Variants in STON1 observed in about 807,000 individuals in gnomAD.
STON1 encodes the protein stonin-1.
In STON1, 79 loss-of-function variants were observed where a neutral mutation model predicts 60.9. The observed-to-expected ratio is 1.30, with a 90% CI of 1.08 to 1.56. The LOEUF is 1.56. STON1 is among the 40% of genes most tolerant of loss of function. The probability of loss-of-function intolerance (pLI) is 0.00; values close to 1 mark genes in which losing one functional copy is unlikely to be tolerated. For missense variants in STON1, 1,166 were observed against 858.9 expected (o/e 1.36, Z -4.47); for synonymous variants, 363 against 306.9 (o/e 1.18, Z -1.91).
chr2:48,541,106 T>G (rs991050956), intron 1 of STON1, among the ~76,000 whole-genome samples: 3 of 151,598 alleles, frequency 2.0e-5, no homozygotes, highest in Admixed American at 1.3e-4. Context: ...TCCCAGAACT[T>G]TGGGAGGCTG....
intron 1 of STON1, among the ~76,000 whole-genome samples, chr2:48,576,472 G>C (rs1673506631): frequency 6.7e-6 from 1 of 149,416 alleles, no homozygotes; most frequent in Admixed American, 6.7e-5. Flanking sequence ...TTATAGGTGT[G>C]AGCCACTGTG....
intron 1 of STON1, among the ~76,000 whole-genome samples, chr2:48,548,247 C>T (rs1416523657): frequency 1.3e-5 from 2 of 152,204 alleles, no homozygotes; most frequent in East Asian, 1.9e-4. Flanking sequence ...GCTGTAAAAG[C>T]ACATAGCATT....
At position 48,564,641 on chromosome 2, in the gene STON1, TC is replaced by T. The variant is rs1558606307; in HGVS notation, c.-47-15945del. Among the ~76,000 whole-genome samples the T allele has an allele frequency of 1.1e-4, 14 of 121,982 alleles. 1 individual carries two copies. Among genetic ancestry groups the T allele is most frequent in the African/African-American group, 4.1e-4 (12 of 29,090 alleles). The allele number at this position is 121,982 out of a possible 152,430, so 80.0% of individuals were successfully genotyped here. A position where few individuals can be genotyped will look rare whatever the true frequency, so the allele number is the denominator to read the frequency against. ...TTCTCCTTCTCCTTCTCTTTCTCCT[TC>T]TCCTTCTTCTTCTTCTTTCTTATTT... On this transcript the variant is annotated intron_variant, in intron 1 of 3. Coordinates refer to ENST00000404752, the MANE Select transcript of STON1 (RefSeq NM_006873.4).
At chr2:48,569,936 A>G (rs1400496476) in intron 1 of STON1, among the ~76,000 whole-genome samples, 1 of 152,224 alleles carries the variant, frequency 6.6e-6, no homozygotes, top group African/African-American at 2.4e-5. Flanking sequence ...GTGTTTTTGA[A>G]TTAGAGATAA....
At chr2:48,577,433 T>C (rs1334815160) in intron 1 of STON1, among the ~76,000 whole-genome samples, 1 of 151,646 alleles carries the variant, frequency 6.6e-6, no homozygotes, top group Non-Finnish European at 1.5e-5. Flanking sequence ...ATACCAAAAT[T>C]AGCCTGGCGT....
intron 1 of STON1, among the ~76,000 whole-genome samples, chr2:48,563,004 C>T (rs1455187694): frequency 6.6e-6 from 1 of 152,230 alleles, no homozygotes; most frequent in Non-Finnish European, 1.5e-5. Context: ...ACTGACTGAC[C>T]TTGCCCTCTG....
chr2:48,595,141 G>A, intron 3 of STON1, 87 bp from the exon 4 acceptor site: 2 of 1,041,128 alleles, frequency 1.9e-6, no homozygotes, highest in Non-Finnish European at 1.5e-6. Flanking sequence ...TGTGCAGTCT[G>A]TGCCACATGT....
In STON1 at chr2:48,580,685, G is replaced by A. The variant is rs1286632039; in HGVS notation, c.52G>A (p.Val18Ile). ...KWVTFDDDPA[V>I]QSSQKSKNFP... ...GGTCACCTTTGATGATGATCCTGCT[G>A]TTCAATCTTCTCAAAAGTCAAAGAA... is the stretch of plus-strand genomic sequence containing the variant. Residue 18 changes from valine to isoleucine, a missense_variant, in exon 2 of 4, where the codon GTT becomes ATT. Transcript: ENST00000404752. 2 of 1,447,714 alleles carry A rather than the reference G, an allele frequency of 1.4e-6. No individual in the cohort carries two copies. Among genetic ancestry groups the A allele is most frequent in the Non-Finnish European group, 1.8e-6 (2 of 1,097,892 alleles). 89.7% of individuals were successfully genotyped at this position (1,447,714 alleles called of 1,614,324 possible).
chr2:48,537,741 T>G (rs1209287397), intron 1 of STON1, among the ~76,000 whole-genome samples: 1 of 151,058 alleles, frequency 6.6e-6, no homozygotes, highest in Non-Finnish European at 1.5e-5. Flanking sequence ...TCCCAGCTAC[T>G]CGGGAGGCTG....
intron 1 of STON1, among the ~76,000 whole-genome samples, chr2:48,567,948 T>A (rs1323461380): frequency 6.6e-6 from 1 of 152,196 alleles, no homozygotes; most frequent in Non-Finnish European, 1.5e-5. Context: ...AGTCTGAGAA[T>A]TCCTTATTTG....
chr2:48,532,737 C>T (rs1028824165), intron 1 of STON1, among the ~76,000 whole-genome samples: 1 of 152,082 alleles, frequency 6.6e-6, no homozygotes, highest in African/African-American at 2.4e-5. Context: ...TAATGAAGGC[C>T]ACGGGGGCCT....
intron 1 of STON1, among the ~76,000 whole-genome samples, chr2:48,548,795 C>T (rs548685913): frequency 4.6e-5 from 7 of 152,186 alleles, no homozygotes; most frequent in African/African-American, 1.7e-4. Flanking sequence ...CCACCATGCC[C>T]GGCCTCATTT....
chr2:48,544,177 C>G (rs1289128126), intron 1 of STON1, among the ~76,000 whole-genome samples: 1 of 147,812 alleles, frequency 6.8e-6, no homozygotes, highest in African/African-American at 2.4e-5. Context: ...TTTTTCTTCT[C>G]TGGATTTTGT....
At chr2:48,561,367 C>T (rs1482896335) in intron 1 of STON1, among the ~76,000 whole-genome samples, 2 of 152,216 alleles carry the variant, frequency 1.3e-5, no homozygotes, top group Admixed American at 6.5e-5. Context: ...TTCTCCCTTC[C>T]GATTTCCATC....
At chr2:48,560,322 C>T (rs139166330) in intron 1 of STON1, among the ~76,000 whole-genome samples, 72 of 152,314 alleles carry the variant, frequency 4.7e-4, no homozygotes, top group African/African-American at 1.7e-3. Context: ...TTCCCAGCTT[C>T]CTTTGAGAAT....
intron 1 of STON1, among the ~76,000 whole-genome samples, chr2:48,561,970 C>T (rs529847780): frequency 9.2e-5 from 14 of 152,316 alleles, no homozygotes; most frequent in Admixed American, 5.2e-4. Flanking sequence ...AAGTGATTCT[C>T]GTGCCTCAGC....
chr2:48,582,039 C>G lies in STON1; in HGVS notation c.1406C>G (p.Ser469Cys). 1.2e-6 allele frequency: 2 copies of G among 1,614,072 alleles called. No homozygotes were observed. Among genetic ancestry groups the G allele is most frequent in the East Asian group, 2.2e-5 (1 of 44,882 alleles). Residue 469 changes from serine to cysteine, a missense_variant, in exon 2 of 4, where the codon TCC becomes TGC. Coordinates refer to ENST00000404752, the MANE Select transcript of STON1 (RefSeq NM_006873.4). ...CTTGAGTTGCCGAAGCGAGATGAAT[C>G]CTATTATGAGAAGGACTCAGAAAAA... is the stretch of plus-strand genomic sequence containing the variant. ...NDLELPKRDE[S>C]YYEKDSEKKG...
chr2:48,558,475 G>A (rs901266351), intron 1 of STON1, among the ~76,000 whole-genome samples: 1 of 152,206 alleles, frequency 6.6e-6, no homozygotes, highest in Admixed American at 6.5e-5. Context: ...ATTTGATTTT[G>A]TGGCACACAC....
intron 1 of STON1, among the ~76,000 whole-genome samples, chr2:48,550,414 T>A (rs1018564859): frequency 4.0e-5 from 6 of 151,460 alleles, no homozygotes; most frequent in African/African-American, 1.5e-4. Context: ...GGAGAATTGC[T>A]TGAACCTAGG....
Sources: gnomAD v4.1 joint callset for allele counts (sites outside exome capture counted in the v4.1 genomes callset) on GRCh38, gnomAD v4.1.1 for gene constraint, MANE v1.5 for transcripts, NCBI Gene and HGNC (gene_info 2026-07-23, HGNC 2026-07-21) for gene names.